Variants in SAMMSON observed in about 807,000 individuals in gnomAD.
SAMMSON encodes long intergenic non-protein coding RNA 1212.
At chr3:70,230,371 C>G (rs536721117) in intron 4 of SAMMSON, among the ~76,000 whole-genome samples, 1 of 152,240 alleles carries the variant, frequency 6.6e-6, no homozygotes, top group South Asian at 2.1e-4. Flanking sequence ...ACCAGGATAT[C>G]CTTTCATAAA....
intron 2 of SAMMSON, among the ~76,000 whole-genome samples, chr3:70,420,771 G>A (rs1701304634): frequency 6.6e-6 from 1 of 152,128 alleles, no homozygotes; most frequent in African/African-American, 2.4e-5. Flanking sequence ...GAGCAAAGAT[G>A]CTAACATTTC....
At chr3:70,159,983 TA>T (rs2067608448) in intron 4 of SAMMSON, among the ~76,000 whole-genome samples, 1 of 152,150 alleles carries the variant, frequency 6.6e-6, no homozygotes, top group Admixed American at 6.6e-5. Context: ...CTGTATGTCT[TA>T]TTTTTTGATT....
At chr3:70,141,595 C>T (rs959085748) in intron 4 of SAMMSON, among the ~76,000 whole-genome samples, 2 of 152,204 alleles carry the variant, frequency 1.3e-5, no homozygotes, top group African/African-American at 4.8e-5. Context: ...GTCAAGTTGA[C>T]ACACAAACTT....
chr3:70,430,459 C>A (rs1436794656), intron 2 of SAMMSON, among the ~76,000 whole-genome samples: 1 of 151,974 alleles, frequency 6.6e-6, no homozygotes, highest in African/African-American at 2.4e-5. Flanking sequence ...GACTTGAGAT[C>A]AATCTAGTAG....
chr3:70,165,801 T>C (rs1025488934), intron 4 of SAMMSON, among the ~76,000 whole-genome samples: 1 of 151,990 alleles, frequency 6.6e-6, no homozygotes, highest in African/African-American at 2.4e-5. Context: ...CGTGGTGTCA[T>C]GGATATGTCT....
intron 7 of SAMMSON, among the ~76,000 whole-genome samples, chr3:70,330,249 A>T (rs1702611890): frequency 6.6e-6 from 1 of 151,936 alleles, no homozygotes. Flanking sequence ...TTTTAAAGTC[A>T]TATTTTTAAA....
intron 8 of SAMMSON, among the ~76,000 whole-genome samples, chr3:70,357,049 A>G (rs562224152): frequency 1.3e-5 from 2 of 152,282 alleles, no homozygotes; most frequent in East Asian, 3.9e-4. Context: ...GAAAAATTAT[A>G]TTCTGGGGGT....
intron 3 of SAMMSON, among the ~76,000 whole-genome samples, chr3:70,027,330 C>T (rs967479869): frequency 1.3e-5 from 2 of 152,078 alleles, no homozygotes; most frequent in Non-Finnish European, 2.9e-5. Context: ...AATTTTTGTT[C>T]TAATACCCTT....
intron 4 of SAMMSON, among the ~76,000 whole-genome samples, chr3:70,087,088 T>A (rs2067288050): frequency 6.6e-6 from 1 of 152,134 alleles, no homozygotes; most frequent in Non-Finnish European, 1.5e-5. Context: ...TTAACTGGCC[T>A]TTGCTTTCTC....
At chr3:70,422,676 A>C (rs1402868812) in intron 2 of SAMMSON, among the ~76,000 whole-genome samples, 1 of 152,060 alleles carries the variant, frequency 6.6e-6, no homozygotes. Context: ...CAAGAATTTA[A>C]GAAAGTTTAA....
intron 4 of SAMMSON, among the ~76,000 whole-genome samples, chr3:70,099,275 T>G (rs1045887479): frequency 2.6e-5 from 4 of 152,222 alleles, no homozygotes; most frequent in African/African-American, 9.6e-5. Flanking sequence ...TTTTAAACTT[T>G]TATTGACCAT....
chr3:70,426,999 T>C (rs1701375361), intron 2 of SAMMSON, among the ~76,000 whole-genome samples: 1 of 152,236 alleles, frequency 6.6e-6, no homozygotes, highest in African/African-American at 2.4e-5. Context: ...TTAAAAGGCA[T>C]ATACAATAAA....
At chr3:70,234,583 T>G (rs1244120313) in intron 4 of SAMMSON, among the ~76,000 whole-genome samples, 1 of 151,104 alleles carries the variant, frequency 6.6e-6, no homozygotes, top group Non-Finnish European at 1.5e-5. Flanking sequence ...GAGGCTGCAG[T>G]GAGCCATGAC....
chr3:70,022,423 T>TAAAAAAAAAAA (rs2067019157), intron 3 of SAMMSON, among the ~76,000 whole-genome samples: 1 of 24,576 alleles, frequency 4.1e-5, no homozygotes, highest in Non-Finnish European at 7.8e-5. Context: ...TAAAGTATAA[T>TAAAAAAAAAAA]AACAAAAAAA....
chr3:70,298,013 A>G (rs982669055), intron 7 of SAMMSON, among the ~76,000 whole-genome samples: 3 of 152,118 alleles, frequency 2.0e-5, no homozygotes, highest in African/African-American at 7.2e-5. Flanking sequence ...AAATATAACA[A>G]GGAAAATCAG....
At chr3:70,008,314 T>A (rs2066937524) in intron 1 of SAMMSON, among the ~76,000 whole-genome samples, 1 of 152,192 alleles carries the variant, frequency 6.6e-6, no homozygotes, top group Non-Finnish European at 1.5e-5. Flanking sequence ...TATCCTCTTT[T>A]CTTTCATTGA....
intron 3 of SAMMSON, among the ~76,000 whole-genome samples, chr3:70,020,864 C>G (rs1036727127): frequency 6.6e-6 from 1 of 152,044 alleles, no homozygotes; most frequent in Non-Finnish European, 1.5e-5. Context: ...ATAAACATAC[C>G]TTGTTATTTA....
intron 4 of SAMMSON, among the ~76,000 whole-genome samples, chr3:70,158,213 G>T (rs538109228): frequency 3.6e-4 from 54 of 151,982 alleles, no homozygotes; most frequent in African/African-American, 1.3e-3. Flanking sequence ...CCTCTCCCTT[G>T]TCCCTGCTCC....
intron 7 of SAMMSON, among the ~76,000 whole-genome samples, chr3:70,317,413 T>A (rs1052950156): frequency 6.6e-6 from 1 of 151,888 alleles, no homozygotes; most frequent in Admixed American, 6.6e-5. Context: ...ATAAGTACAA[T>A]TTTTTTAGAC....
Sources: allele counts gnomAD v4.1 joint callset (sites outside exome capture counted in the v4.1 genomes callset), GRCh38; gene constraint gnomAD v4.1.1; transcripts MANE v1.5; gene names NCBI Gene and HGNC (gene_info 2026-07-23, HGNC 2026-07-21).